IMMP2L: variants seen among roughly 807,000 people sequenced by gnomAD.
IMMP2L encodes the protein inner mitochondrial membrane peptidase subunit 2, also known as mitochondrial inner membrane protease subunit 2.
Under a neutral mutation model 19.3 loss-of-function variants are expected in IMMP2L, and 18 were observed. That is an observed-to-expected ratio of 0.93 (90% CI 0.64 to 1.38). The LOEUF is 1.38. Among genes scored for constraint, IMMP2L ranks in the 40% most tolerant of loss-of-function variants. IMMP2L has a pLI of 0.00. For missense variants in IMMP2L, 233 were observed against 218.2 expected (o/e 1.07, Z -0.43); for synonymous variants, 76 against 73.0 (o/e 1.04, Z -0.21).
intron 3 of IMMP2L, among the ~76,000 whole-genome samples, chr7:111,432,132 C>T (rs1230964772): frequency 6.6e-6 from 1 of 151,596 alleles, no homozygotes; most frequent in Non-Finnish European, 1.5e-5. Context: ...GGGAACTATG[C>T]CCTAAACCTG....
At chr7:110,886,563 A>C in intron 5 of IMMP2L, 30 bp downstream of exon 5, 2 of 1,223,818 alleles carry the variant, frequency 1.6e-6, no homozygotes, top group Middle Eastern at 3.7e-4. Context: ...AAATCCAATT[A>C]CATCAACAAG....
chr7:111,045,317 A>G (rs1285783460), intron 3 of IMMP2L, among the ~76,000 whole-genome samples: 1 of 152,136 alleles, frequency 6.6e-6, no homozygotes, highest in Admixed American at 6.5e-5. Context: ...AAATATGCCC[A>G]TTCTTCATTT....
intron 3 of IMMP2L, among the ~76,000 whole-genome samples, chr7:111,188,399 C>CT (rs1170646028): frequency 1.3e-5 from 2 of 152,062 alleles, no homozygotes; most frequent in Non-Finnish European, 2.9e-5. Flanking sequence ...AGACTGACCT[C>CT]TTCTCATTGT....
chr7:111,086,255 GAAAAAAAAAAGAA>G (rs200312718), intron 3 of IMMP2L, among the ~76,000 whole-genome samples: 1,879 of 103,156 alleles, frequency 0.018, 47 homozygotes, highest in East Asian at 0.16. Context: ...TCTACTCAAA[GAAAAAAAAAAGAA>G]AAAAAAAAAA....
At chr7:110,818,897 G>T (rs1802778076) in intron 5 of IMMP2L, among the ~76,000 whole-genome samples, 1 of 145,636 alleles carries the variant, frequency 6.9e-6, no homozygotes, top group African/African-American at 2.6e-5. Flanking sequence ...ACTCATAGGT[G>T]GGAATTGAAC....
At chr7:111,079,122 C>CT (rs1169407875) in intron 3 of IMMP2L, among the ~76,000 whole-genome samples, 2,538 of 144,742 alleles carry the variant, frequency 0.018, 65 homozygotes, top group African/African-American at 0.053. Context: ...TAATTTTTTT[C>CT]TTTTTTTTTT....
intron 5 of IMMP2L, among the ~76,000 whole-genome samples, chr7:110,688,765 A>G (rs1392217545): frequency 6.6e-6 from 1 of 152,130 alleles, no homozygotes; most frequent in Non-Finnish European, 1.5e-5. Context: ...AGCCAATTAC[A>G]AAACTGTGAA....
intron 5 of IMMP2L, among the ~76,000 whole-genome samples, chr7:110,751,080 C>T (rs539161810): frequency 6.6e-6 from 1 of 151,808 alleles, no homozygotes; most frequent in South Asian, 2.1e-4. Context: ...TTAATACTTT[C>T]AGATTTTCCT....
intron 3 of IMMP2L, among the ~76,000 whole-genome samples, chr7:111,461,258 A>G (rs1158181417): frequency 1.3e-5 from 2 of 152,142 alleles, no homozygotes; most frequent in African/African-American, 2.4e-5. Context: ...TTAAAAGCCA[A>G]TATGGTATCT....
At position 111,213,808 on chromosome 7, in the gene IMMP2L, C is replaced by A. The variant is rs915307248; in HGVS notation, c.240-250243G>T. ...AACATTTGAAGGAATGACCTGCCTG[C>A]GGAGAGCTATCCAACGTGGGTCTCC... On this transcript the variant is annotated intron_variant, in intron 3 of 5. Coordinates refer to ENST00000405709, the MANE Select transcript of IMMP2L (RefSeq NM_032549.4). This position sits in a 1 kb window ranked among gnomAD's most constrained non-coding sequence, Gnocchi z 4.8. Among the ~76,000 whole-genome samples the A allele has an allele frequency of 6.6e-6, 1 of 152,144 alleles. No individual in the cohort carries two copies. Among genetic ancestry groups the A allele is most frequent in the East Asian group, 1.9e-4 (1 of 5,184 alleles).
In IMMP2L at chr7:110,757,404, CGGTGGGCGA is replaced by C. The variant is rs1344071392; in HGVS notation, c.409-93692_409-93684del. 6.6e-6 allele frequency among the ~76,000 whole-genome samples: 1 copy of C among 152,184 alleles called. No homozygotes were observed. Among genetic ancestry groups the C allele is most frequent in the Admixed American group, 6.6e-5 (1 of 15,254 alleles). Reference sequence around the variant, plus strand: ...TTGACTCTGGTTGTAATTTTAAATACGGTGGGCGAGGGAGGCCTGTATGTGATGTCTTTT... The same window carrying C: ...TTGACTCTGGTTGTAATTTTAAATACGGGAGGCCTGTATGTGATGTCTTTT... On this transcript the variant is annotated intron_variant, in intron 5 of 5. Coordinates refer to ENST00000405709, the MANE Select transcript of IMMP2L (RefSeq NM_032549.4). The surrounding 1 kb of genome is among the most constrained non-coding windows in gnomAD (Gnocchi z 4.2).
intron 3 of IMMP2L, among the ~76,000 whole-genome samples, chr7:111,223,138 T>C (rs1235504845): frequency 2.0e-5 from 3 of 152,030 alleles, no homozygotes; most frequent in Admixed American, 1.3e-4. Context: ...AATACAAATA[T>C]ATGTATCAAA....
rs958870006 is a variant in IMMP2L, at chr7:110,803,351, C to T, written c.408+83242G>A. ...CTTTGAATATCATCAAACTGCAGAA[C>T]CTGGACTCAATTTGATCTGCCATAG... On this transcript the variant is annotated intron_variant, in intron 5 of 5. Coordinates refer to ENST00000405709, the MANE Select transcript of IMMP2L (RefSeq NM_032549.4). This position sits in a 1 kb window ranked among gnomAD's most constrained non-coding sequence, Gnocchi z 4.2. 6.6e-6 allele frequency among the ~76,000 whole-genome samples: 1 copy of T among 151,978 alleles called. No homozygotes were observed. Among genetic ancestry groups the T allele is most frequent in the Non-Finnish European group, 1.5e-5 (1 of 67,984 alleles).
chr7:111,488,129 G>C (rs1842804541), intron 2 of IMMP2L, among the ~76,000 whole-genome samples: 1 of 152,068 alleles, frequency 6.6e-6, no homozygotes, highest in South Asian at 2.1e-4. Context: ...GCAAGAACAG[G>C]GGGACAAAAT....
chr7:110,919,020 C>CTTAA (rs1813956270), intron 4 of IMMP2L, among the ~76,000 whole-genome samples: 1 of 152,062 alleles, frequency 6.6e-6, no homozygotes, highest in African/African-American at 2.4e-5. Flanking sequence ...CCAATAAAAT[C>CTTAA]TAGGTCAAAC....
intron 3 of IMMP2L, among the ~76,000 whole-genome samples, chr7:111,332,246 A>T (rs1825952605): frequency 6.6e-6 from 1 of 151,898 alleles, no homozygotes; most frequent in Non-Finnish European, 1.5e-5. Flanking sequence ...AACTTCAAAA[A>T]TCGAATAGTA....
intron 5 of IMMP2L, among the ~76,000 whole-genome samples, chr7:110,817,198 C>T (rs892996164): frequency 6.6e-6 from 1 of 151,984 alleles, no homozygotes; most frequent in Non-Finnish European, 1.5e-5. Flanking sequence ...GACATGATTG[C>T]ATATCCAGAA....
At chr7:110,672,827 G>A (rs73433294) in intron 5 of IMMP2L, among the ~76,000 whole-genome samples, 153 of 152,274 alleles carry the variant, frequency 1.0e-3, no homozygotes, top group African/African-American at 3.5e-3. Flanking sequence ...GGGCAGCTCC[G>A]TCCCTGTGGC....
At chr7:110,689,621 G>T (rs535263223) in intron 5 of IMMP2L, among the ~76,000 whole-genome samples, 1 of 151,954 alleles carries the variant, frequency 6.6e-6, no homozygotes, top group African/African-American at 2.4e-5. Context: ...TAATTGTAAA[G>T]GCACTTTTTA....
Sources: allele counts gnomAD v4.1 joint callset (sites outside exome capture counted in the v4.1 genomes callset), GRCh38; gene constraint gnomAD v4.1.1; non-coding constraint Gnocchi (gnomAD v3.1); transcripts MANE v1.5; gene names NCBI Gene and HGNC (gene_info 2026-07-23, HGNC 2026-07-21).